Variants in PTPN1 observed in about 807,000 individuals in gnomAD.
PTPN1 encodes the protein protein tyrosine phosphatase non-receptor type 1, also known as tyrosine-protein phosphatase non-receptor type 1.
In PTPN1, 12 loss-of-function variants were observed where a neutral mutation model predicts 59.9. The ratio of observed to expected loss-of-function variants is 0.20; its 90% CI spans 0.13 to 0.32. PTPN1 has a LOEUF of 0.32. Ranked by LOEUF, PTPN1 falls within the 10% of genes least tolerant of loss-of-function variation. The probability of loss-of-function intolerance (pLI) is 1.00; values close to 1 mark genes in which losing one functional copy is unlikely to be tolerated. For synonymous variants in PTPN1, 178 were observed against 203.6 expected, an observed-to-expected ratio of 0.87 and a Z score of 1.07; for missense variants, 356 against 549.2, an observed-to-expected ratio of 0.65 and a Z score of 3.52.
chr20:50,527,573 C>T (rs138943972), intron 1 of PTPN1, among the ~76,000 whole-genome samples: 41 of 152,176 alleles, frequency 2.7e-4, no homozygotes, highest in Non-Finnish European at 4.9e-4. Flanking sequence ...GGCATGTTGA[C>T]CATGTTGGCC....
chr20:50,561,871 G>T (rs560775173), intron 2 of PTPN1, among the ~76,000 whole-genome samples: 192 of 152,220 alleles, frequency 1.3e-3, no homozygotes, highest in Non-Finnish European at 2.1e-3. Context: ...CGTCCCCTGC[G>T]CTGAATATGC....
In PTPN1 at chr20:50,510,411, G is replaced by T; in HGVS notation, c.-117G>T. On this transcript the variant is annotated 5_prime_UTR_variant, in exon 1 of 10. Coordinates refer to ENST00000371621, the MANE Select transcript of PTPN1 (RefSeq NM_002827.4). Reference sequence around the variant, plus strand: ...AAGAAGCAGCAGCGGCTAGGGCGGCGGTAGCTGCAGGGGTCGGGGATTGCA... The same window carrying T: ...AAGAAGCAGCAGCGGCTAGGGCGGCTGTAGCTGCAGGGGTCGGGGATTGCA... The T allele has an allele frequency of 9.0e-7, 1 of 1,116,974 alleles. No homozygotes were observed. The highest frequency in any genetic ancestry group is 1.3e-6 in the Non-Finnish European group (1 of 791,032). The allele number at this position is 1,116,974 out of a possible 1,614,324, so 69.2% of individuals were successfully genotyped here.
intron 5 of PTPN1, chr20:50,574,963 G>GCAAGTC (rs2082828839): frequency 3.4e-6 from 1 of 297,910 alleles, no homozygotes; most frequent in Non-Finnish European, 6.1e-6. Flanking sequence ...GCGGCAGCCT[G>GCAAGTC]CAAGTCCCAG....
chr20:50,574,225 G>A (rs896831893), intron 4 of PTPN1: 2 of 353,976 alleles, frequency 5.7e-6, no homozygotes, highest in Middle Eastern at 7.4e-4. Flanking sequence ...GCTTCACCTC[G>A]TAGACGGTGA....
At chr20:50,580,040 T>C in intron 8 of PTPN1, 114 bp downstream of exon 8, 1 of 969,678 alleles carries the variant, frequency 1.0e-6, no homozygotes, top group Non-Finnish European at 1.6e-6. Context: ...AAGCAGCGCT[T>C]CCGCATCCTT....
chr20:50,566,423 C>T (rs2122784292), intron 3 of PTPN1, among the ~76,000 whole-genome samples: 1 of 152,246 alleles, frequency 6.6e-6, no homozygotes, highest in South Asian at 2.1e-4. Context: ...CCTAGCGCTT[C>T]CTTGGGACAT....
In PTPN1 at chr20:50,579,188, T is replaced by G; in HGVS notation, c.723T>G (p.Pro241=). The change falls in exon 7 of 10, where the codon CCT becomes CCG. Residue 241 remains proline (P), a synonymous_variant. Coordinates refer to ENST00000371621, the MANE Select transcript of PTPN1 (RefSeq NM_002827.4). The part of the protein sequence containing the change: ...CLLLMDKRKD[P]SSVDIKKVLL... ...TTCAGATGGACAAGAGGAAAGACCC[T>G]TCTTCCGTTGATATCAAGAAAGTGC... The G allele has an allele frequency of 1.2e-6, 2 of 1,614,202 alleles. No homozygotes were observed. The highest frequency in any genetic ancestry group is 1.7e-6 in the Non-Finnish European group (2 of 1,180,020).
In PTPN1 at chr20:50,574,638, A is replaced by G; in HGVS notation, c.476A>G (p.Glu159Gly). 1 of 1,603,366 alleles carries G rather than the reference A, an allele frequency of 6.2e-7. No individual in the cohort carries two copies. Reference protein sequence around the residue: ...IKSYYTVRQLELENLTTQETR... With the variant: ...IKSYYTVRQLGLENLTTQETR... ...TCATATTATACAGTGCGACAGCTAG[A>G]ATTGGAAAACCTTACAGTGAGTATA... The change falls in exon 5 of 10, where the codon GAA (glutamate) becomes GGA (glycine). Residue 159 changes from glutamate (E) to glycine (G), a missense_variant. By Grantham distance (98) the Glu-to-Gly change is moderately conservative (BLOSUM62 -2). Coordinates refer to ENST00000371621, the MANE Select transcript of PTPN1 (RefSeq NM_002827.4).
chr20:50,530,521 G>A (rs2082596085), intron 1 of PTPN1, among the ~76,000 whole-genome samples: 1 of 151,682 alleles, frequency 6.6e-6, no homozygotes, highest in African/African-American at 2.4e-5. Flanking sequence ...ACCATGCCCA[G>A]CTAATTTTTG....
At chr20:50,561,987 C>T (rs1307439942) in intron 2 of PTPN1, among the ~76,000 whole-genome samples, 3 of 152,222 alleles carry the variant, frequency 2.0e-5, no homozygotes, top group Non-Finnish European at 2.9e-5. Context: ...AGTGTGCCTG[C>T]TGGCCTGTGG....
Position 50,528,963 on chromosome 20 carries a change from C to T in PTPN1, c.63+18373C>T, listed in dbSNP as rs558747749. Among the ~76,000 whole-genome samples, 20 of 152,198 alleles carry T rather than the reference C, an allele frequency of 1.3e-4. 1 individual carries two copies. The South Asian group carries it at 3.3e-3, about 25-fold the overall frequency. ...TAATTTTCTGTATGTGGTGTTTTCC[C>T]CCCATGAGATTGTATACCATTTCTC... On this transcript the variant is annotated intron_variant, in intron 1 of 9. Transcript: ENST00000371621.
At chr20:50,580,506 C>T (rs2037129710) in intron 8 of PTPN1, among the ~76,000 whole-genome samples, 1 of 152,110 alleles carries the variant, frequency 6.6e-6, no homozygotes, top group South Asian at 2.1e-4. Context: ...GGCCCATGGA[C>T]AGTGATGTGA....
At chr20:50,569,332 T>C (rs6012969) in intron 4 of PTPN1, among the ~76,000 whole-genome samples, 3,933 of 152,298 alleles carry the variant, frequency 0.026, 64 homozygotes, top group East Asian at 0.051. Flanking sequence ...CTGTTTTTAG[T>C]TTCTTACCAT....
intron 9 of PTPN1, among the ~76,000 whole-genome samples, chr20:50,581,858 A>C (rs1240727277): frequency 6.6e-6 from 1 of 152,174 alleles, no homozygotes; most frequent in Admixed American, 6.5e-5. Flanking sequence ...ACAAAAAAAA[A>C]CAAAGTAGGC....
chr20:50,514,227 G>A (rs1049729685), intron 1 of PTPN1, among the ~76,000 whole-genome samples: 1 of 152,194 alleles, frequency 6.6e-6, no homozygotes, highest in African/African-American at 2.4e-5. Context: ...TAATGGTAAT[G>A]CCGCTGTTTC....
At chr20:50,571,982 T>C (rs2082812013) in intron 4 of PTPN1, 1 of 152,230 alleles carries the variant, frequency 6.6e-6, no homozygotes, top group African/African-American at 2.4e-5. Flanking sequence ...CGTACTTAGT[T>C]CTCTGTGTTA....
Position 50,582,762 on chromosome 20 carries a change from G to C in PTPN1, c.*47G>C. ...CTCCACCCACTGTCCGCCTCTGCCC[G>C]CAGAGCCCACGCCCGACTAGCAGGC... is the stretch of plus-strand genomic sequence containing the variant. On this transcript the variant is annotated 3_prime_UTR_variant, in exon 10 of 10. Transcript: ENST00000371621. The surrounding 1 kb of genome is among the most constrained non-coding windows in gnomAD (Gnocchi z 4.2). 1 of 1,609,530 alleles carries C rather than the reference G, an allele frequency of 6.2e-7. No individual in the cohort carries two copies. Among genetic ancestry groups the C allele is most frequent in the Non-Finnish European group, 8.5e-7 (1 of 1,177,396 alleles).
chr20:50,518,239 C>T (rs6020574), intron 1 of PTPN1, among the ~76,000 whole-genome samples: 2,655 of 152,140 alleles, frequency 0.017, 26 homozygotes, highest in East Asian at 0.051. Context: ...TACACTATTG[C>T]GAATTTCTTA....
intron 1 of PTPN1, among the ~76,000 whole-genome samples, chr20:50,558,153 A>G (rs2082734416): frequency 6.6e-6 from 1 of 151,644 alleles, no homozygotes; most frequent in African/African-American, 2.4e-5. Flanking sequence ...CTTTTTTTTT[A>G]ATTTGCATAA....
Sources: allele counts gnomAD v4.1 joint callset (sites outside exome capture counted in the v4.1 genomes callset), GRCh38; gene constraint gnomAD v4.1.1; non-coding constraint Gnocchi (gnomAD v3.1); transcripts MANE v1.5; gene names NCBI Gene and HGNC (gene_info 2026-07-23, HGNC 2026-07-21).